KNDC1: variants seen among roughly 807,000 people sequenced by gnomAD.
The protein encoded by KNDC1 is kinase non-catalytic C-lobe domain-containing protein 1.
A neutral mutation model predicts 172.8 loss-of-function variants in KNDC1; 106 were observed. That is an observed-to-expected ratio of 0.61 (90% confidence interval 0.52 to 0.72). The LOEUF is 0.72. KNDC1 is among the 30% of genes least tolerant of loss of function. KNDC1 has a pLI of 0.00. For missense variants in KNDC1, 2,325 were observed against 2,394.5 expected (o/e 0.97, Z 0.61); for synonymous variants, 1,083 against 1,062.2 (o/e 1.02, Z -0.38).
intron 3 of KNDC1, among the ~76,000 whole-genome samples, chr10:133,175,514 A>C (rs1853508229): frequency 1.4e-5 from 2 of 140,440 alleles, no homozygotes; most frequent in South Asian, 5.0e-4. Context: ...ATGAACAGGC[A>C]CATGGATGGG....
chr10:133,192,023 C>G (rs1430038768), intron 9 of KNDC1, among the ~76,000 whole-genome samples: 1 of 152,252 alleles, frequency 6.6e-6, no homozygotes, highest in Non-Finnish European at 1.5e-5. Flanking sequence ...CAAGTGGAAA[C>G]ACATCCCATG....
chr10:133,195,707 G>A lies in KNDC1; in HGVS notation c.1620G>A (p.Lys540=), dbSNP rs753917497. ...CVAAVLWTAA[K]FSVPRNHKLA... ...CCGCCGTTCTGTGGACCGCAGCCAAGTTCAGCGTCCCCCGCAACCACAAGC... is the reference window on the plus strand; with the variant it reads ...CCGCCGTTCTGTGGACCGCAGCCAAATTCAGCGTCCCCCGCAACCACAAGC... Residue 540 remains lysine, a synonymous_variant, in exon 10 of 30, where the codon AAG becomes AAA. Coordinates refer to ENST00000304613, the MANE Select transcript of KNDC1 (RefSeq NM_152643.8). The A allele has an allele frequency of 6.2e-7, 1 of 1,612,740 alleles. No homozygotes were observed.
rs1184702539 is a variant in KNDC1, at chr10:133,183,356, T to G, written c.373T>G (p.Ser125Ala). The G allele has an allele frequency of 6.3e-7, 1 of 1,596,232 alleles. No individual in the cohort carries two copies. Among genetic ancestry groups the G allele is most frequent in the South Asian group, 1.1e-5 (1 of 88,248 alleles). ...TGNTFEAHIY[S>A]LGATLKAALE... ...GTCGTGCCCACAGGCGCACATCTAC[T>G]CTCTGGGGGCCACGCTGAAGGCCGC... is the stretch of plus-strand genomic sequence containing the variant. The change falls in exon 4 of 30, where the codon TCT (serine) becomes GCT (alanine). Residue 125 changes from serine (S) to alanine (A), a missense_variant. By Grantham distance (99) the Ser-to-Ala change is moderately conservative. Transcript: ENST00000304613.
chr10:133,213,508 G>A (rs2136024995), intron 24 of KNDC1, 137 bp from the exon 25 acceptor site: 4 of 706,744 alleles, frequency 5.7e-6, no homozygotes, highest in Non-Finnish European at 9.8e-6. Context: ...CGACCCCTGT[G>A]GACTGTTAGA....
intron 16 of KNDC1, among the ~76,000 whole-genome samples, 175 bp from the exon 17 acceptor site, chr10:133,201,326 C>T (rs1012155846): frequency 2.0e-5 from 3 of 152,170 alleles, no homozygotes; most frequent in Non-Finnish European, 2.9e-5. Flanking sequence ...TTCAGGGTCC[C>T]AGCATCTCCC....
Position 133,198,385 on chromosome 10 carries a change from C to A in KNDC1, c.1955C>A (p.Pro652His). The A allele has an allele frequency of 1.3e-6, 2 of 1,597,542 alleles. No individual in the cohort carries two copies. Among genetic ancestry groups the A allele is most frequent in the South Asian group, 2.3e-5 (2 of 88,654 alleles). Residue 652 changes from proline to histidine, a missense_variant, in exon 13 of 30, where the codon CCC becomes CAC. Physicochemically the swap from Pro to His is moderately conservative, Grantham distance 77 (BLOSUM62 -2). Transcript: ENST00000304613. ...SDTGLVAVPG[P>H]VPGQHPCGEE... ...ACCGGGCTTGTGGCTGTGCCAGGGCCCGTGCCCGGCCAGCACCCCTGCGGT... is the reference window on the plus strand; with the variant it reads ...ACCGGGCTTGTGGCTGTGCCAGGGCACGTGCCCGGCCAGCACCCCTGCGGT...
At chr10:133,212,326 C>A (rs11813827) in intron 23 of KNDC1, among the ~76,000 whole-genome samples, 8,405 of 152,324 alleles carry the variant, frequency 0.055, 738 homozygotes, top group African/African-American at 0.19. Context: ...TGCACACTCA[C>A]ATACCCCCTC....
chr10:133,175,361 G>A (rs567283525), intron 3 of KNDC1, among the ~76,000 whole-genome samples: 3 of 147,596 alleles, frequency 2.0e-5, no homozygotes, highest in East Asian at 4.3e-4. Flanking sequence ...TGGATGGGTG[G>A]GTGGGTGGTT....
intron 9 of KNDC1, among the ~76,000 whole-genome samples, chr10:133,191,242 A>T (rs11101627): frequency 1.9e-5 from 1 of 51,852 alleles, no homozygotes; most frequent in Non-Finnish European, 4.2e-5. Context: ...GTGGTGGCAC[A>T]TGCCTGTAAT....
Position 133,210,719 on chromosome 10 carries a change from GACC to G in KNDC1, c.3905_3907del (p.Thr1302del). The G allele has an allele frequency of 6.2e-7, 1 of 1,612,044 alleles. No individual in the cohort carries two copies. Among genetic ancestry groups the G allele is most frequent in the Non-Finnish European group, 8.5e-7 (1 of 1,178,086 alleles). On this transcript the variant is annotated inframe_deletion and splice_region_variant, in exon 21 of 30. Transcript: ENST00000304613. ...TCCTCGACCGCATCAACAGCACGCT[GACC>G]AGGTACCAAGCTCCACAGCTCCACG... is the stretch of plus-strand genomic sequence containing the variant.
chr10:133,191,074 C>A lies in KNDC1; in HGVS notation c.1575+1261C>A, dbSNP rs146940019. ...CCCCAACTGGCCGGGCATGGTGACT[C>A]ACGCCTGTAATTCCAGCAATTTGGG... On this transcript the variant is annotated intron_variant, in intron 9 of 29. Coordinates refer to ENST00000304613, the MANE Select transcript of KNDC1 (RefSeq NM_152643.8). Among the ~76,000 whole-genome samples the A allele has an allele frequency of 2.0e-5, 3 of 152,364 alleles. No homozygotes were observed. The East Asian group carries it at 5.8e-4, about 29-fold the overall frequency.
chr10:133,199,381 C>A, intron 14 of KNDC1, 77 bp from the exon 15 acceptor site: 1 of 1,579,296 alleles, frequency 6.3e-7, no homozygotes, highest in Non-Finnish European at 8.6e-7. Flanking sequence ...CAGCCTTGTC[C>A]GTTTCATCAG....
At chr10:133,218,636 T>C (rs922311705) in intron 26 of KNDC1, among the ~76,000 whole-genome samples, 195 bp from the exon 27 acceptor site, 7 of 152,112 alleles carry the variant, frequency 4.6e-5, no homozygotes, top group African/African-American at 4.8e-5. Flanking sequence ...TTTCAAGTCA[T>C]GCCCACCCCG....
intron 17 of KNDC1, among the ~76,000 whole-genome samples, chr10:133,203,370 C>T (rs575713706): frequency 2.0e-5 from 3 of 152,402 alleles, no homozygotes; most frequent in African/African-American, 7.2e-5. Flanking sequence ...GCGTCCGGCC[C>T]ATGGCCACAG....
chr10:133,168,666 T>G (rs1036258677), intron 3 of KNDC1, among the ~76,000 whole-genome samples: 1 of 152,170 alleles, frequency 6.6e-6, no homozygotes, highest in Admixed American at 6.5e-5. Flanking sequence ...CTTAACATGT[T>G]AAAAGTGACC....
intron 3 of KNDC1, among the ~76,000 whole-genome samples, chr10:133,168,983 G>A (rs543762120): frequency 5.3e-5 from 8 of 152,364 alleles, no homozygotes; most frequent in Admixed American, 2.0e-4. Flanking sequence ...CTTCAGAGTC[G>A]ATCAGTCCAT....
intron 27 of KNDC1, 35 bp downstream of exon 27, chr10:133,218,988 T>A (rs1373678489): frequency 1.2e-6 from 2 of 1,613,484 alleles, no homozygotes; most frequent in South Asian, 1.1e-5. Context: ...CGGGGGTGGG[T>A]ACCCGCACGG....
intron 20 of KNDC1, among the ~76,000 whole-genome samples, chr10:133,208,252 A>G (rs1249531804): frequency 7.1e-6 from 1 of 141,216 alleles, no homozygotes; most frequent in Non-Finnish European, 1.6e-5. Flanking sequence ...CCCTCTAGAG[A>G]GGGACGTGGC....
intron 1 of KNDC1, among the ~76,000 whole-genome samples, chr10:133,162,125 G>A (rs547307576): frequency 6.6e-6 from 1 of 152,368 alleles, no homozygotes; most frequent in South Asian, 2.1e-4. Context: ...GCAGCGTGCA[G>A]TGGGAACGTT....
Sources: allele counts gnomAD v4.1 joint callset (sites outside exome capture counted in the v4.1 genomes callset), GRCh38; gene constraint gnomAD v4.1.1; transcripts MANE v1.5; gene names NCBI Gene and HGNC (gene_info 2026-07-23, HGNC 2026-07-21).